Variants in UEVLD observed in about 807,000 individuals in gnomAD.
The protein encoded by UEVLD is ubiquitin-conjugating enzyme E2 variant 3.
Under a neutral mutation model 58.6 loss-of-function variants are expected in UEVLD, and 47 were observed. The ratio of observed to expected loss-of-function variants is 0.80; its 90% confidence interval spans 0.63 to 1.02. The LOEUF is 1.02. Among genes scored for constraint, UEVLD ranks in the 50% least tolerant of loss-of-function variants. The pLI, the probability that UEVLD is intolerant of heterozygous loss-of-function variation, is 0.00. For missense variants in UEVLD, 510 were observed against 550.6 expected, an observed-to-expected ratio of 0.93 and a Z score of 0.74; for synonymous variants, 197 against 195.3, an observed-to-expected ratio of 1.01 and a Z score of -0.07.
chr11:18,585,474 T>C (rs1051788942), intron 1 of UEVLD, among the ~76,000 whole-genome samples: 8 of 152,166 alleles, frequency 5.3e-5, no homozygotes, highest in African/African-American at 1.7e-4. Flanking sequence ...TTCTGTTTTA[T>C]ATTGCATTTC....
chr11:18,581,100 T>C (rs1002110897), intron 1 of UEVLD, among the ~76,000 whole-genome samples: 3 of 148,998 alleles, frequency 2.0e-5, no homozygotes, highest in Non-Finnish European at 4.4e-5. Context: ...AGGCGGAGGT[T>C]GCAGTGGGCC....
In UEVLD at chr11:18,544,653, A is replaced by G. The variant is rs148301141; in HGVS notation, c.1030T>C (p.Trp344Arg). The change falls in exon 9 of 12, where the codon TGG becomes CGG. Residue 344 changes from tryptophan (W) to arginine (R), a missense_variant. Coordinates refer to ENST00000396197, the MANE Select transcript of UEVLD (RefSeq NM_001040697.4). ...LKAQTSGKEV[W>R]VIGEQGEDKV... Reference sequence around the variant, plus strand: ...TCTTCTCCTTGCTCGCCAATAACCCATACTTCTTTGCCTGAAGTCTGTGCC... The same window carrying G: ...TCTTCTCCTTGCTCGCCAATAACCCGTACTTCTTTGCCTGAAGTCTGTGCC... 14 of 1,594,682 alleles carry G rather than the reference A, an allele frequency of 8.8e-6. No homozygotes were observed. The highest frequency in any genetic ancestry group is 1.1e-5 in the Non-Finnish European group (13 of 1,173,560).
intron 8 of UEVLD, among the ~76,000 whole-genome samples, chr11:18,545,019 C>A (rs764651602): frequency 6.9e-6 from 1 of 145,428 alleles, no homozygotes. Context: ...TGTATATATA[C>A]GTGTATATAT....
intron 1 of UEVLD, among the ~76,000 whole-genome samples, chr11:18,587,429 G>T (rs916897244): frequency 6.6e-6 from 1 of 152,160 alleles, no homozygotes; most frequent in Non-Finnish European, 1.5e-5. Context: ...TATGTAAACT[G>T]CCCCAACAAA....
At chr11:18,583,962 A>G (rs1375644081) in intron 1 of UEVLD, among the ~76,000 whole-genome samples, 1 of 152,112 alleles carries the variant, frequency 6.6e-6, no homozygotes, top group Non-Finnish European at 1.5e-5. Context: ...CAGTATTACC[A>G]TTTTATGAGT....
At chr11:18,578,834 G>T in intron 1 of UEVLD, 26 bp from the exon 2 acceptor site, 1 of 1,494,378 alleles carries the variant, frequency 6.7e-7, no homozygotes, top group Non-Finnish European at 9.1e-7. Flanking sequence ...TAAGCATGGA[G>T]TAAGAATAAA....
At position 18,588,650 on chromosome 11, in the gene UEVLD, T is replaced by G. The variant is rs1334839623; in HGVS notation, c.5A>C (p.Glu2Ala). The part of the protein sequence containing the change: M[E>A]FDCEGLRRLL... ...CCGTCTCAGGCCCTCGCAGTCGAAC[T>G]CCATCTCCAGGCCGGTCCCGAGCTA... is the stretch of plus-strand genomic sequence containing the variant. Residue 2 changes from glutamate (E) to alanine (A), a missense_variant, in exon 1 of 12, where the codon GAG becomes GCG. Coordinates refer to ENST00000396197, the MANE Select transcript of UEVLD (RefSeq NM_001040697.4). 3.1e-6 allele frequency: 5 copies of G among 1,609,376 alleles called. No homozygotes were observed. Among genetic ancestry groups the G allele is most frequent in the Non-Finnish European group, 4.2e-6 (5 of 1,179,806 alleles).
intron 9 of UEVLD, among the ~76,000 whole-genome samples, chr11:18,539,749 G>A (rs555851427): frequency 1.3e-5 from 2 of 152,308 alleles, no homozygotes; most frequent in Admixed American, 1.3e-4. Context: ...AAGTTAAGGA[G>A]GCATGAGAGT....
intron 1 of UEVLD, 71 bp downstream of exon 1, chr11:18,588,542 A>C: frequency 6.4e-7 from 1 of 1,564,718 alleles, no homozygotes. Flanking sequence ...AACGGAGGCA[A>C]CCTGGCCAAA....
Position 18,558,233 on chromosome 11 carries a change from C to A in UEVLD, c.710G>T (p.Ser237Ile). ...TTTAAGCAGAATAAACAGACCTTTG[C>A]TGATCTCCACATTAGGAAGGTTGAA... ...EIFNLPNVEI[S>I]KDLSASAHSK... Residue 237 changes from serine (S) to isoleucine (I), a missense_variant, in exon 7 of 12, where the codon AGC (serine) becomes ATC (isoleucine). By Grantham distance (142) the Ser-to-Ile change is moderately radical. Coordinates refer to ENST00000396197, the MANE Select transcript of UEVLD (RefSeq NM_001040697.4). The A allele has an allele frequency of 6.2e-7, 1 of 1,610,892 alleles. No homozygotes were observed. Among genetic ancestry groups the A allele is most frequent in the Non-Finnish European group, 8.5e-7 (1 of 1,178,502 alleles).
chr11:18,584,594 C>T (rs1012342502), intron 1 of UEVLD, among the ~76,000 whole-genome samples: 6 of 152,150 alleles, frequency 3.9e-5, no homozygotes, highest in East Asian at 3.9e-4. Context: ...TTAAAAAATG[C>T]TTATTTATAT....
At chr11:18,546,353 G>A (rs1448490499) in intron 8 of UEVLD, among the ~76,000 whole-genome samples, 1 of 152,040 alleles carries the variant, frequency 6.6e-6, no homozygotes, top group Non-Finnish European at 1.5e-5. Flanking sequence ...TTAAAAAATT[G>A]TATGCTGGAA....
intron 7 of UEVLD, among the ~76,000 whole-genome samples, 188 bp from the exon 8 acceptor site, chr11:18,547,238 AG>A (rs1220877029): frequency 6.6e-6 from 1 of 152,188 alleles, no homozygotes; most frequent in Non-Finnish European, 1.5e-5. Context: ...ATTAAGAGTA[AG>A]TGTTGACTGG....
intron 9 of UEVLD, among the ~76,000 whole-genome samples, chr11:18,542,352 A>T (rs1281728168): frequency 1.3e-5 from 2 of 152,076 alleles, no homozygotes; most frequent in African/African-American, 2.4e-5. Flanking sequence ...TATTCAAGTA[A>T]TGAATGAATG....
In UEVLD at chr11:18,546,928, G is replaced by C; in HGVS notation, c.838C>G (p.Leu280Val). The C allele has an allele frequency of 6.2e-7, 1 of 1,613,958 alleles. No homozygotes were observed. The highest frequency in any genetic ancestry group is 8.5e-7 in the Non-Finnish European group (1 of 1,180,004). The part of the protein sequence containing the change: ...VDMFRALVPA[L>V]GHYSQHSVLL... ...ACACTGTGTTGACTATAATGTCCCA[G>C]AGCTGGGACAAGGGCTCTGAACATA... Residue 280 changes from leucine (L) to valine (V), a missense_variant, in exon 8 of 12, where the codon CTG becomes GTG. Coordinates refer to ENST00000396197, the MANE Select transcript of UEVLD (RefSeq NM_001040697.4).
At chr11:18,532,537 G>T in intron 11 of UEVLD, 50 bp from the exon 12 acceptor site, 1 of 1,413,928 alleles carries the variant, frequency 7.1e-7, no homozygotes, top group Non-Finnish European at 9.5e-7. Flanking sequence ...TTGCAAAGAA[G>T]TTAATACAAA....
intron 6 of UEVLD, 56 bp downstream of exon 6, chr11:18,564,836 C>T: frequency 1.6e-6 from 2 of 1,265,302 alleles, no homozygotes; most frequent in South Asian, 3.1e-5. Flanking sequence ...AAAACACAAC[C>T]TGCCTAGAAG....
At chr11:18,555,417 C>T (rs1423871847) in intron 7 of UEVLD, among the ~76,000 whole-genome samples, 1 of 149,458 alleles carries the variant, frequency 6.7e-6, no homozygotes, top group African/African-American at 2.5e-5. Flanking sequence ...AAGTGCGAGA[C>T]TGTCTTAAAA....
At chr11:18,575,264 A>C (rs1228379164) in intron 3 of UEVLD, 83 bp downstream of exon 3, 3 of 1,412,666 alleles carry the variant, frequency 2.1e-6, no homozygotes, top group Non-Finnish European at 2.0e-6. Context: ...TACTTTAAGA[A>C]TGTTATGGCA....
Sources: gnomAD v4.1 joint callset for allele counts (sites outside exome capture counted in the v4.1 genomes callset) on GRCh38, gnomAD v4.1.1 for gene constraint, MANE v1.5 for transcripts, NCBI Gene and HGNC (gene_info 2026-07-23, HGNC 2026-07-21) for gene names.